PAGE4: variants seen among roughly 807,000 people sequenced by gnomAD.
PAGE4 encodes the protein P antigen family member 4.
PAGE4 carries 1 observed loss-of-function variant against 8.5 expected under a neutral mutation model. That is an observed-to-expected ratio of 0.12 (90% CI 0.04 to 0.56). The LOEUF is 0.56. Among genes scored for constraint, PAGE4 ranks in the 20% least tolerant of loss-of-function variants. PAGE4 has a pLI of 0.91. For missense variants in PAGE4, 93 were observed against 82.7 expected, an observed-to-expected ratio of 1.13 and a Z score of -0.49; for synonymous variants, 26 against 26.3, an observed-to-expected ratio of 0.99 and a Z score of 0.04.
chrX:49,831,016 A>G lies in PAGE4; in HGVS notation c.98A>G (p.Glu33Gly), dbSNP rs1557156519. 4 of 1,192,372 alleles carry G rather than the reference A, an allele frequency of 3.4e-6. No individual in the cohort carries two copies. Among genetic ancestry groups the G allele is most frequent in the Non-Finnish European group, 3.4e-6 (3 of 884,544 alleles). The change falls in exon 3 of 5, where the codon GAG becomes GGG. Residue 33 changes from glutamate to glycine, a missense_variant. Physicochemically the swap from Glu to Gly is moderately conservative, Grantham distance 98. Coordinates refer to ENST00000218068, the MANE Select transcript of PAGE4 (RefSeq NM_007003.4). ...AFVAPGESQQ[E>G]EPPTDNQDIE... ...CAAAAGCCCGGTGAATCTCAGCAAG[A>G]GGAACCACCAACTGACAATCAGGAT...
chrX:49,831,424 A>G (rs1923475597), intron 3 of PAGE4: 1 of 189,690 alleles, frequency 5.3e-6, no homozygotes, highest in Non-Finnish European at 9.4e-6. Flanking sequence ...TTCTGGGCAT[A>G]AGTCATTGCA....
intron 1 of PAGE4, 75 bp downstream of exon 1, chrX:49,829,426 A>G (rs1923404820): frequency 8.9e-6 from 1 of 112,211 alleles, no homozygotes; most frequent in Non-Finnish European, 1.9e-5. Context: ...CTGGCCTCAG[A>G]GAAGGAAGGG....
At chrX:49,832,192 C>A (rs979267027) in intron 3 of PAGE4, among the ~76,000 whole-genome samples, 7 of 111,512 alleles carry the variant, frequency 6.3e-5, no homozygotes, top group Non-Finnish European at 1.3e-4. Context: ...GTACTAAGTG[C>A]TGAGGATATA....
rs984842472 is a variant in PAGE4 at position 49,833,905 on chromosome X, C to G, written c.*43C>G. 1 of 1,067,418 alleles carries G rather than the reference C, an allele frequency of 9.4e-7. No homozygotes were observed. The highest frequency in any genetic ancestry group is 2.4e-5 in the Admixed American group (1 of 41,449). 88.0% of individuals were successfully genotyped at this position (1,067,418 alleles called of 1,213,427 possible). ...CTGAAGCTACACACATGGCTGATGT[C>G]ACATTGAAAATGTGACTGAAAATTT... On this transcript the variant is annotated 3_prime_UTR_variant, in exon 5 of 5. Coordinates refer to ENST00000218068, the MANE Select transcript of PAGE4 (RefSeq NM_007003.4).
In PAGE4 at chrX:49,834,192, G is replaced by A. The variant is rs1180397434; in HGVS notation, c.*330G>A. On this transcript the variant is annotated 3_prime_UTR_variant, in exon 5 of 5. Coordinates refer to ENST00000218068, the MANE Select transcript of PAGE4 (RefSeq NM_007003.4). ...ACCACATGTAAATAATGATAATTCTGTTTTTTCCTTTTGAGGCTTTGTACT... is the reference window on the plus strand; with the variant it reads ...ACCACATGTAAATAATGATAATTCTATTTTTTCCTTTTGAGGCTTTGTACT... 9.0e-6 allele frequency among the ~76,000 whole-genome samples: 1 copy of A among 111,419 alleles called. No individual in the cohort carries two copies. The highest frequency in any genetic ancestry group is 3.3e-5 in the African/African-American group (1 of 30,667).
intron 1 of PAGE4, 109 bp from the exon 2 acceptor site, chrX:49,830,290 G>A (rs1180079551): frequency 7.4e-6 from 3 of 406,181 alleles, no homozygotes; most frequent in Non-Finnish European, 1.3e-5. Context: ...ACCAGGCGTA[G>A]TTATTATTAA....
At chrX:49,831,696 A>G (rs1923483794) in intron 3 of PAGE4, among the ~76,000 whole-genome samples, 1 of 112,042 alleles carries the variant, frequency 8.9e-6, no homozygotes, top group South Asian at 3.7e-4. Flanking sequence ...ACTGATTGCT[A>G]TAACATTTTG....
In PAGE4 at chrX:49,833,995, A is replaced by C; in HGVS notation, c.*133A>C. The C allele has an allele frequency of 4.2e-6, 2 of 471,973 alleles. No individual in the cohort carries two copies. The highest frequency in any genetic ancestry group is 6.8e-5 in the South Asian group (2 of 29,259). 38.9% of individuals were successfully genotyped at this position (471,973 alleles called of 1,213,427 possible). ...GTCATGCGTGTCTTTTGTAAAATTTATTCCTAGGAAATTGACACTATTGTA... is the reference window on the plus strand; with the variant it reads ...GTCATGCGTGTCTTTTGTAAAATTTCTTCCTAGGAAATTGACACTATTGTA... On this transcript the variant is annotated 3_prime_UTR_variant, in exon 5 of 5. Transcript: ENST00000218068.
At chrX:49,831,270 A>G (rs1197970291) in intron 3 of PAGE4, 186 bp downstream of exon 3, 2 of 402,773 alleles carry the variant, frequency 5.0e-6, no homozygotes, top group Non-Finnish European at 8.4e-6. Flanking sequence ...TACTTATCTT[A>G]TATCTTAAGA....
chrX:49,830,524 T>C lies in PAGE4; in HGVS notation c.78+18T>C, dbSNP rs1923444699. 1 of 1,085,805 alleles carries C rather than the reference T, an allele frequency of 9.2e-7. No homozygotes were observed. Among genetic ancestry groups the C allele is most frequent in the Non-Finnish European group, 1.3e-6 (1 of 790,332 alleles). The allele number at this position is 1,085,805 out of a possible 1,213,427, so 89.5% of individuals were successfully genotyped here. ...TCGTGGCTGTGAGTACATTTCAGTA[T>C]CTTATTTCCATTGGCAGAAATGTAT... is the stretch of plus-strand genomic sequence containing the variant. On this transcript the variant is annotated intron_variant, in intron 2 of 4. Transcript: ENST00000218068.
Position 49,830,395 on chromosome X carries a change from G to A in PAGE4, c.-30-4G>A. On this transcript the variant is annotated splice_polypyrimidine_tract_variant and splice_region_variant and intron_variant, in intron 1 of 4. Coordinates refer to ENST00000218068, the MANE Select transcript of PAGE4 (RefSeq NM_007003.4). ...TCAAGTATAATTACTCCTTTTTATT[G>A]CAGTCTTCAGTTCACGATCTTCTAG... 2.0e-6 allele frequency: 2 copies of A among 1,007,556 alleles called. No individual in the cohort carries two copies. Among genetic ancestry groups the A allele is most frequent in the Non-Finnish European group, 2.8e-6 (2 of 725,315 alleles). The allele number at this position is 1,007,556 out of a possible 1,213,427, so 83.0% of individuals were successfully genotyped here.
intron 4 of PAGE4, among the ~76,000 whole-genome samples, 161 bp from the exon 5 acceptor site, chrX:49,833,685 T>A (rs1557156851): frequency 8.9e-6 from 1 of 112,148 alleles, no homozygotes; most frequent in Non-Finnish European, 1.9e-5. Flanking sequence ...AGTACACATA[T>A]GCCTGAAAAT....
intron 2 of PAGE4, 104 bp downstream of exon 2, chrX:49,830,610 C>G: frequency 1.9e-6 from 1 of 537,230 alleles, no homozygotes; most frequent in Non-Finnish European, 3.0e-6. Context: ...TAAAGGACTT[C>G]CCTGCTGAAA....
At chrX:49,830,170 T>G (rs1557156352) in intron 1 of PAGE4, 1 of 292,737 alleles carries the variant, frequency 3.4e-6, no homozygotes, top group Non-Finnish European at 5.9e-6. Flanking sequence ...TTAAGTCTCT[T>G]TAGGAAAGAC....
At chrX:49,830,896 T>G in intron 2 of PAGE4, 101 bp from the exon 3 acceptor site, 2 of 547,249 alleles carry the variant, frequency 3.7e-6, no homozygotes. Flanking sequence ...GATTTATTTG[T>G]GACTAGCTAC....
At position 49,833,888 on chromosome X, in the gene PAGE4, A is replaced by G; in HGVS notation, c.*26A>G. 8.8e-7 allele frequency: 1 copy of G among 1,132,508 alleles called. No homozygotes were observed. The highest frequency in any genetic ancestry group is 3.0e-5 in the East Asian group (1 of 33,347). 93.3% of individuals were successfully genotyped at this position (1,132,508 alleles called of 1,213,427 possible). A position where few individuals can be genotyped will look rare whatever the true frequency, so the allele number is the denominator to read the frequency against. ...GTTAAAAAGAAGACAAGCTGAAGCTACACACATGGCTGATGTCACATTGAA... is the reference window on the plus strand; with the variant it reads ...GTTAAAAAGAAGACAAGCTGAAGCTGCACACATGGCTGATGTCACATTGAA... On this transcript the variant is annotated 3_prime_UTR_variant, in exon 5 of 5. Coordinates refer to ENST00000218068, the MANE Select transcript of PAGE4 (RefSeq NM_007003.4).
At chrX:49,830,311 A>G in intron 1 of PAGE4, 88 bp from the exon 2 acceptor site, 1 of 444,328 alleles carries the variant, frequency 2.3e-6, no homozygotes, top group Non-Finnish European at 3.9e-6. Context: ...CTCAGGACCT[A>G]TTATGGAAAT....
At chrX:49,833,736 GT>G (rs1557156857) in intron 4 of PAGE4, 109 bp from the exon 5 acceptor site, 4 of 537,515 alleles carry the variant, frequency 7.4e-6, no homozygotes, top group Non-Finnish European at 9.6e-6. Context: ...TAGCGTTCTG[GT>G]TTTAATTTCA....
intron 1 of PAGE4, chrX:49,830,107 C>G (rs1230976380): frequency 6.3e-6 from 1 of 159,436 alleles, no homozygotes; most frequent in Non-Finnish European, 1.2e-5. Flanking sequence ...AGGAGGGGAC[C>G]TGGGGTGGCT....
Sources: gnomAD v4.1 joint callset for allele counts (sites outside exome capture counted in the v4.1 genomes callset) on GRCh38, gnomAD v4.1.1 for gene constraint, MANE v1.5 for transcripts, NCBI Gene and HGNC (gene_info 2026-07-23, HGNC 2026-07-21) for gene names.